CA13: variants seen among roughly 807,000 people sequenced by gnomAD.
CA13 encodes the protein CA-XIII.
In CA13, 21 loss-of-function variants were observed where a neutral mutation model predicts 31.5. The ratio of observed to expected loss-of-function variants is 0.67; its 90% confidence interval spans 0.47 to 0.96. CA13 has a LOEUF of 0.96. CA13 is among the 40% of genes least tolerant of loss of function. The pLI is 0.00. For synonymous variants in CA13, 117 were observed against 111.4 expected (o/e 1.05, Z -0.32); for missense variants, 315 against 318.9 (o/e 0.99, Z 0.09).
At chr8:85,246,046 G>A (rs1239458256) in intron 1 of CA13, among the ~76,000 whole-genome samples, 181 bp downstream of exon 1, 1 of 152,190 alleles carries the variant, frequency 6.6e-6, no homozygotes, top group African/African-American at 2.4e-5. Context: ...GTCTTGTCAG[G>A]GTAGACGGGT....
intron 4 of CA13, 34 bp downstream of exon 4, chr8:85,266,737 G>C: frequency 1.3e-6 from 2 of 1,531,458 alleles, no homozygotes; most frequent in Non-Finnish European, 9.0e-7. Context: ...TAAATGATCA[G>C]CCTTGTTGAA....
chr8:85,278,259 C>CT (rs1329723862), intron 6 of CA13, among the ~76,000 whole-genome samples: 9 of 97,602 alleles, frequency 9.2e-5, no homozygotes, highest in Non-Finnish European at 1.3e-4. Context: ...GAGCAAGACT[C>CT]TATCTCAAAA....
intron 6 of CA13, among the ~76,000 whole-genome samples, chr8:85,280,653 A>T (rs964130244): frequency 1.3e-5 from 2 of 152,256 alleles, no homozygotes; most frequent in African/African-American, 4.8e-5. Flanking sequence ...AGATAAAATT[A>T]GTTTTAATTT....
Position 85,283,321 on chromosome 8 carries a change from A to C in CA13, c.*1972A>C, listed in dbSNP as rs1481572560. On this transcript the variant is annotated 3_prime_UTR_variant, in exon 7 of 7. Coordinates refer to ENST00000321764, the MANE Select transcript of CA13 (RefSeq NM_198584.3). Reference sequence around the variant, plus strand: ...ACAGTGGTGGATACTGTTGCATAAGATGAGCTCCTGAAGAGTGAAGCTAAT... The same window carrying C: ...ACAGTGGTGGATACTGTTGCATAAGCTGAGCTCCTGAAGAGTGAAGCTAAT... 1 of 152,244 alleles carries C rather than the reference A, an allele frequency of 6.6e-6. No individual in the cohort carries two copies. Among genetic ancestry groups the C allele is most frequent in the Non-Finnish European group, 1.5e-5 (1 of 68,040 alleles). The allele number at this position is 152,244 out of a possible 1,614,324, so 9.4% of individuals were successfully genotyped here.
chr8:85,247,428 C>T (rs1813751371), intron 1 of CA13, among the ~76,000 whole-genome samples: 1 of 152,158 alleles, frequency 6.6e-6, no homozygotes. Flanking sequence ...AGGAATTGTT[C>T]TGTTAGGAAT....
At position 85,282,214 on chromosome 8, in the gene CA13, G is replaced by A. The variant is rs1176595160; in HGVS notation, c.*865G>A. 1 of 152,306 alleles carries A rather than the reference G, an allele frequency of 6.6e-6. No individual in the cohort carries two copies. Among genetic ancestry groups the A allele is most frequent in the African/African-American group, 2.4e-5 (1 of 41,378 alleles). 9.4% of individuals were successfully genotyped at this position (152,306 alleles called of 1,614,324 possible). On this transcript the variant is annotated 3_prime_UTR_variant, in exon 7 of 7. Transcript: ENST00000321764. ...TAAAATGAACAATATAAGAGTTAAG[G>A]GCAATGGGATAAAGCTACTTAATGT...
At chr8:85,269,223 G>T (rs1345732829) in intron 6 of CA13, among the ~76,000 whole-genome samples, 2 of 152,180 alleles carry the variant, frequency 1.3e-5, no homozygotes, top group African/African-American at 4.8e-5. Context: ...AGGCTGAGGT[G>T]GGTGGATCGC....
intron 6 of CA13, among the ~76,000 whole-genome samples, chr8:85,277,342 C>T (rs548038495): frequency 6.6e-6 from 1 of 151,982 alleles, no homozygotes; most frequent in South Asian, 2.1e-4. Flanking sequence ...CATGCGCGGC[C>T]TTAAGAGCTG....
chr8:85,250,478 T>C (rs1813806305), intron 1 of CA13, among the ~76,000 whole-genome samples: 1 of 149,622 alleles, frequency 6.7e-6, no homozygotes, highest in Non-Finnish European at 1.5e-5. Context: ...GAGTATTTTA[T>C]AAAATTTACA....
chr8:85,261,727 G>A (rs993796789), intron 3 of CA13, among the ~76,000 whole-genome samples: 1 of 152,230 alleles, frequency 6.6e-6, no homozygotes, highest in East Asian at 1.9e-4. Flanking sequence ...CGCCCGGCCA[G>A]TGTATATATA....
intron 3 of CA13, among the ~76,000 whole-genome samples, chr8:85,261,173 A>C (rs1478653990): frequency 6.6e-6 from 1 of 152,162 alleles, no homozygotes; most frequent in Non-Finnish European, 1.5e-5. Flanking sequence ...CCTTTGGTTC[A>C]CTTATGTATT....
chr8:85,262,441 G>A (rs1192259079), intron 3 of CA13, among the ~76,000 whole-genome samples: 1 of 152,154 alleles, frequency 6.6e-6, no homozygotes, highest in Non-Finnish European at 1.5e-5. Flanking sequence ...CATGTGTGAG[G>A]ATGTGGGTTG....
At chr8:85,278,536 G>C (rs1057083548) in intron 6 of CA13, among the ~76,000 whole-genome samples, 1 of 152,154 alleles carries the variant, frequency 6.6e-6, no homozygotes, top group African/African-American at 2.4e-5. Context: ...CTACCAAAAT[G>C]TTAGAAATGT....
chr8:85,254,086 C>A (rs1807240054), intron 2 of CA13, among the ~76,000 whole-genome samples: 1 of 151,988 alleles, frequency 6.6e-6, no homozygotes, highest in Admixed American at 6.6e-5. Flanking sequence ...TGAGACCAGC[C>A]TGGCCAACAT....
intron 1 of CA13, 138 bp from the exon 2 acceptor site, chr8:85,250,602 A>G (rs955277562): frequency 3.4e-6 from 2 of 582,892 alleles, no homozygotes; most frequent in Non-Finnish European, 6.0e-6. Context: ...ATTAGATGCC[A>G]AGGTCCTGAG....
chr8:85,269,907 G>T (rs1224899021), intron 6 of CA13, among the ~76,000 whole-genome samples: 1 of 152,102 alleles, frequency 6.6e-6, no homozygotes. Context: ...TGTAGACAGG[G>T]TCTTGCATTA....
At chr8:85,258,905 C>T (rs931311847) in intron 2 of CA13, among the ~76,000 whole-genome samples, 2 of 150,050 alleles carry the variant, frequency 1.3e-5, no homozygotes, top group African/African-American at 4.9e-5. Flanking sequence ...TCAGCTTAGG[C>T]AACAGGGCGA....
chr8:85,266,733 A>C, intron 4 of CA13, 30 bp downstream of exon 4: 1 of 1,544,096 alleles, frequency 6.5e-7, no homozygotes, highest in Non-Finnish European at 8.9e-7. Flanking sequence ...ATTTTAAATG[A>C]TCAGCCTTGT....
At position 85,281,275 on chromosome 8, in the gene CA13, G is replaced by A; in HGVS notation, c.715G>A (p.Ala239Thr). 6.2e-7 allele frequency: 1 copy of A among 1,614,078 alleles called. No homozygotes were observed. Among genetic ancestry groups the A allele is most frequent in the Non-Finnish European group, 8.5e-7 (1 of 1,179,980 alleles). ...CCTGTGCACAGCGGAGGGTGAAGCA[G>A]CAGCTTTTCTGGTGAGCAATCACCG... ...SLLCTAEGEA[A>T]AFLVSNHRPP... Residue 239 changes from alanine (A) to threonine (T), a missense_variant, in exon 7 of 7, where the codon GCA (alanine) becomes ACA (threonine). Ala to Thr is a moderately conservative substitution (Grantham distance 58). Transcript: ENST00000321764.
Sources: allele counts gnomAD v4.1 joint callset (sites outside exome capture counted in the v4.1 genomes callset), GRCh38; gene constraint gnomAD v4.1.1; transcripts MANE v1.5; gene names NCBI Gene and HGNC (gene_info 2026-07-23, HGNC 2026-07-21).